The following DENND2C variants were observed in gnomAD, a reference collection of about 807,000 sequenced individuals.
DENND2C encodes the protein DENN domain containing 2C, also known as DENN domain-containing protein 2C.
Under a neutral mutation model 112.4 loss-of-function variants are expected in DENND2C, and 72 were observed. The observed-to-expected ratio is 0.64, with a 90% CI of 0.53 to 0.78. DENND2C has a LOEUF of 0.78. DENND2C is among the 30% of genes least tolerant of loss of function. DENND2C has a pLI of 0.00. For synonymous variants in DENND2C, 329 were observed against 381.6 expected (o/e 0.86, Z 1.61); for missense variants, 992 against 1,113.8 (o/e 0.89, Z 1.56).
chr1:114,589,747 A>G (rs1655135469), intron 18 of DENND2C, among the ~76,000 whole-genome samples: 1 of 152,042 alleles, frequency 6.6e-6, no homozygotes, highest in Non-Finnish European at 1.5e-5. Context: ...TAATTTCTTT[A>G]TTCTTTCCTT....
At chr1:114,628,933 T>G (rs1298877490) in intron 3 of DENND2C, among the ~76,000 whole-genome samples, 1 of 152,202 alleles carries the variant, frequency 6.6e-6, no homozygotes, top group Non-Finnish European at 1.5e-5. Flanking sequence ...AAATCCTAGA[T>G]CTCTCCCAAG....
chr1:114,637,857 T>A (rs1297683421), intron 3 of DENND2C, among the ~76,000 whole-genome samples: 1 of 152,042 alleles, frequency 6.6e-6, no homozygotes, highest in Non-Finnish European at 1.5e-5. Flanking sequence ...ATCTCAAAAT[T>A]GATCTACAGA....
intron 1 of DENND2C, among the ~76,000 whole-genome samples, chr1:114,659,777 TTCCTTCCC>T (rs369447407): frequency 0.016 from 1,016 of 64,414 alleles, 7 homozygotes; most frequent in South Asian, 0.079. Context: ...TCTTCCTTCC[TTCCTTCCC>T]TCCCTCCCTC....
intron 9 of DENND2C, among the ~76,000 whole-genome samples, chr1:114,610,703 A>AC (rs1407700827): frequency 3.3e-5 from 5 of 151,816 alleles, no homozygotes. Context: ...CCGTCTCAAA[A>AC]AAAAAAAAAA....
chr1:114,588,225 A>G (rs1180137462), intron 18 of DENND2C, among the ~76,000 whole-genome samples: 1 of 152,166 alleles, frequency 6.6e-6, no homozygotes, highest in African/African-American at 2.4e-5. Context: ...CTGCACTTTC[A>G]AAGGCCACTG....
At position 114,584,699 on chromosome 1, in the gene DENND2C, G is replaced by A. The variant is rs1654994968; in HGVS notation, c.*901C>T. Reference sequence around the variant, plus strand: ...ACATGGTGGACACTAAAAAATAAAGGTGGCTCCCATGCCCTTGAAAGGACA... The same window carrying A: ...ACATGGTGGACACTAAAAAATAAAGATGGCTCCCATGCCCTTGAAAGGACA... On this transcript the variant is annotated 3_prime_UTR_variant, in exon 21 of 21. Transcript: ENST00000393274. 1.3e-5 allele frequency: 2 copies of A among 152,148 alleles called. No individual in the cohort carries two copies. Among genetic ancestry groups the A allele is most frequent in the Non-Finnish European group, 2.9e-5 (2 of 68,036 alleles). 9.4% of individuals were successfully genotyped at this position (152,148 alleles called of 1,614,324 possible).
rs1056611402 is a variant in DENND2C at position 114,585,507 on chromosome 1, T to A, written c.*93A>T. ...CTTTAACCTTTTAAAATTTCAAGAA[T>A]TTTGTAGAATACTTCATGGGATCCT... On this transcript the variant is annotated 3_prime_UTR_variant, in exon 21 of 21. Coordinates refer to ENST00000393274, the MANE Select transcript of DENND2C (RefSeq NM_001256404.2). 2.4e-5 allele frequency: 34 copies of A among 1,408,006 alleles called. No homozygotes were observed. The highest frequency in any genetic ancestry group is 3.1e-5 in the Non-Finnish European group (31 of 1,009,136). The allele number at this position is 1,408,006 out of a possible 1,614,324, so 87.2% of individuals were successfully genotyped here.
In DENND2C at chr1:114,667,134, A is replaced by G. The variant is rs368482906; in HGVS notation, c.-574+2849T>C. Among the ~76,000 whole-genome samples, 13 of 152,216 alleles carry G rather than the reference A, an allele frequency of 8.5e-5. No homozygotes were observed. The East Asian group carries it at 2.3e-3, about 27-fold the overall frequency. On this transcript the variant is annotated intron_variant, in intron 1 of 20. Coordinates refer to ENST00000393274, the MANE Select transcript of DENND2C (RefSeq NM_001256404.2). ...TTCATATCTCCTGTTTCCTGACCCA[A>G]TTTCAGCAAACTCCTATTCATCCTT...
intron 1 of DENND2C, among the ~76,000 whole-genome samples, chr1:114,664,801 C>G (rs1207152720): frequency 6.7e-6 from 1 of 148,538 alleles, no homozygotes; most frequent in Non-Finnish European, 1.5e-5. Flanking sequence ...TTTTAATTAG[C>G]AGGGGGTCAG....
At chr1:114,658,051 T>C (rs1183521175) in intron 1 of DENND2C, among the ~76,000 whole-genome samples, 2 of 152,226 alleles carry the variant, frequency 1.3e-5, no homozygotes, top group South Asian at 2.1e-4. Context: ...GTTTAGGGGC[T>C]ATACACTGAT....
intron 1 of DENND2C, among the ~76,000 whole-genome samples, chr1:114,657,322 T>A (rs1657362117): frequency 6.6e-6 from 1 of 152,220 alleles, no homozygotes; most frequent in Admixed American, 6.5e-5. Flanking sequence ...CCATCATATT[T>A]TATTTTTTAA....
chr1:114,612,094 G>A (rs1345949993), intron 8 of DENND2C, among the ~76,000 whole-genome samples: 2 of 151,968 alleles, frequency 1.3e-5, no homozygotes, highest in Admixed American at 1.3e-4. Flanking sequence ...AGGAATAAAG[G>A]GTGGGAATAG....
Position 114,667,422 on chromosome 1 carries a change from TA to T in DENND2C, c.-574+2560del, listed in dbSNP as rs372933870. On this transcript the variant is annotated intron_variant, in intron 1 of 20. Coordinates refer to ENST00000393274, the MANE Select transcript of DENND2C (RefSeq NM_001256404.2). The stretch of plus-strand genomic sequence containing the variant: ...ACTTAATTTACAGTCTGAGAACAGA[TA>T]TTTTTAACTTCTTAATGAAAGAAGT... 3.2e-4 allele frequency among the ~76,000 whole-genome samples: 48 copies of T among 152,294 alleles called. No individual in the cohort carries two copies. In the East Asian group the frequency reaches 5.6e-3, roughly 18 times the overall value.
intron 3 of DENND2C, among the ~76,000 whole-genome samples, chr1:114,634,481 G>A (rs189784853): frequency 6.6e-5 from 10 of 151,978 alleles, no homozygotes; most frequent in Non-Finnish European, 1.2e-4. Context: ...CTATAGACGC[G>A]TGCCACCAAA....
chr1:114,643,242 G>C (rs565949607), intron 3 of DENND2C, among the ~76,000 whole-genome samples: 1 of 152,268 alleles, frequency 6.6e-6, no homozygotes, highest in East Asian at 1.9e-4. Context: ...TAAGGCTTGT[G>C]TCAGGGAAAA....
At chr1:114,610,428 C>T (rs771847331) in intron 9 of DENND2C, among the ~76,000 whole-genome samples, 5 of 152,218 alleles carry the variant, frequency 3.3e-5, no homozygotes, top group Non-Finnish European at 2.9e-5. Context: ...TGGCTGGGTG[C>T]GGTGGCTCAC....
At chr1:114,621,780 C>G (rs1557948035) in intron 7 of DENND2C, 115 bp downstream of exon 7, 1 of 1,340,472 alleles carries the variant, frequency 7.5e-7, no homozygotes, top group East Asian at 2.5e-5. Flanking sequence ...TCTAAGTCTT[C>G]TAATCCCAGT....
intron 18 of DENND2C, among the ~76,000 whole-genome samples, chr1:114,592,444 G>A (rs1262475487): frequency 3.3e-5 from 5 of 152,188 alleles, no homozygotes; most frequent in African/African-American, 9.6e-5. Context: ...ATGGTTGGGC[G>A]CAATGGCTCA....
intron 3 of DENND2C, among the ~76,000 whole-genome samples, chr1:114,644,535 G>A (rs1656927089): frequency 6.6e-6 from 1 of 152,134 alleles, no homozygotes; most frequent in African/African-American, 2.4e-5. Context: ...CCCATTTGTA[G>A]AATGGGGAAG....
Sources: gnomAD v4.1 joint callset for allele counts (sites outside exome capture counted in the v4.1 genomes callset) on GRCh38, gnomAD v4.1.1 for gene constraint, MANE v1.5 for transcripts, NCBI Gene and HGNC (gene_info 2026-07-23, HGNC 2026-07-21) for gene names.